The following BNC2 variants were observed in gnomAD, a reference collection of about 807,000 sequenced individuals.
BNC2 encodes the protein basonuclin zinc finger protein 2, also known as zinc finger protein basonuclin-2.
Under a neutral mutation model 76.3 loss-of-function variants are expected in BNC2, and 20 were observed. The ratio of observed to expected loss-of-function variants is 0.26; its 90% CI spans 0.18 to 0.38. BNC2 has a LOEUF of 0.38. BNC2 is among the 10% of genes least tolerant of loss of function. The probability of loss-of-function intolerance (pLI) is 1.00; values close to 1 mark genes in which losing one functional copy is unlikely to be tolerated. For synonymous variants in BNC2, 582 were observed against 514.8 expected, an observed-to-expected ratio of 1.13 and a Z score of -1.77; for missense variants, 1,382 against 1,399.8, an observed-to-expected ratio of 0.99 and a Z score of 0.20.
intron 4 of BNC2, among the ~76,000 whole-genome samples, chr9:16,558,933 C>CAAA (rs574756487): frequency 0.076 from 6,125 of 81,052 alleles, 576 homozygotes; most frequent in African/African-American, 0.25. Flanking sequence ...GACTCCGTCT[C>CAAA]AAAAAAAAAA....
chr9:16,847,603 T>C (rs36084473), intron 1 of BNC2, among the ~76,000 whole-genome samples: 17,806 of 151,992 alleles, frequency 0.12, 1,355 homozygotes, highest in South Asian at 0.28. Flanking sequence ...ATATACAAGG[T>C]AGTATAACTT....
chr9:16,571,418 T>C (rs1345760823), intron 4 of BNC2, among the ~76,000 whole-genome samples: 1 of 152,190 alleles, frequency 6.6e-6, no homozygotes, highest in Non-Finnish European at 1.5e-5. Context: ...AAATCTTTCA[T>C]TAATTTTTCC....
chr9:16,761,495 A>T (rs1029566532), intron 1 of BNC2, among the ~76,000 whole-genome samples: 3 of 152,212 alleles, frequency 2.0e-5, no homozygotes, highest in Non-Finnish European at 4.4e-5. Context: ...CAAAACTATG[A>T]TATAATCTAA....
chr9:16,515,265 C>T (rs1000434053), intron 5 of BNC2, among the ~76,000 whole-genome samples: 58 of 152,200 alleles, frequency 3.8e-4, no homozygotes, highest in African/African-American at 1.3e-3. Flanking sequence ...GCTTCAAAGC[C>T]GACTGGGCTG....
chr9:16,552,620 G>C lies in BNC2; in HGVS notation c.579C>G (p.Leu193=), dbSNP rs1004790518. ...PVRLKILLDR[L]FSVLKQEEVL... is the part of the protein sequence containing the mutation. ...CCTCCTCTTGCTTCAGGACGCTGAA[G>C]AGACGGTCCAGCAGGATCTTTAGCC... The change falls in exon 5 of 7, where the codon CTC becomes CTG. Residue 193 remains leucine, a synonymous_variant. Coordinates refer to ENST00000380672, the MANE Select transcript of BNC2 (RefSeq NM_017637.6). The C allele has an allele frequency of 1.2e-6, 2 of 1,614,126 alleles. No homozygotes were observed. Among genetic ancestry groups the C allele is most frequent in the African/African-American group, 1.3e-5 (1 of 74,948 alleles).
At position 16,516,999 on chromosome 9, in the gene BNC2, T is replaced by A. The variant is rs140237577; in HGVS notation, c.669+35531A>T. ...TCACTCTGTAAACGGCATCCAGGAA[T>A]GCAGCACCAACACTTGCAGTAACAA... is the stretch of plus-strand genomic sequence containing the variant. On this transcript the variant is annotated intron_variant, in intron 5 of 6. Coordinates refer to ENST00000380672, the MANE Select transcript of BNC2 (RefSeq NM_017637.6). Among the ~76,000 whole-genome samples the A allele has an allele frequency of 2.9e-4, 44 of 152,322 alleles. 1 individual carries two copies. The highest frequency in any genetic ancestry group is 9.4e-4 in the African/African-American group (39 of 41,576).
intron 3 of BNC2, among the ~76,000 whole-genome samples, chr9:16,711,691 A>G (rs1463759203): frequency 6.6e-6 from 1 of 152,206 alleles, no homozygotes; most frequent in Non-Finnish European, 1.5e-5. Context: ...AAATTACTTG[A>G]TCACTGATTT....
intron 1 of BNC2, among the ~76,000 whole-genome samples, chr9:16,780,170 A>G (rs1826094076): frequency 7.5e-6 from 1 of 132,518 alleles, no homozygotes; most frequent in Non-Finnish European, 1.6e-5. Flanking sequence ...TGGGAGGCGG[A>G]GCTTGCAGTG....
At chr9:16,495,172 G>C (rs1822361193) in intron 5 of BNC2, among the ~76,000 whole-genome samples, 1 of 152,102 alleles carries the variant, frequency 6.6e-6, no homozygotes, top group African/African-American at 2.4e-5. Context: ...TAAATCATCA[G>C]CCTCTATCTA....
At chr9:16,606,252 T>C (rs1436773208) in intron 3 of BNC2, among the ~76,000 whole-genome samples, 1 of 152,036 alleles carries the variant, frequency 6.6e-6, no homozygotes, top group Non-Finnish European at 1.5e-5. Flanking sequence ...AAAATATTTT[T>C]TAAAGGATTA....
chr9:16,671,376 A>C (rs1822472862), intron 3 of BNC2, among the ~76,000 whole-genome samples: 1 of 152,202 alleles, frequency 6.6e-6, no homozygotes, highest in Non-Finnish European at 1.5e-5. Context: ...TGGTAAAAAG[A>C]AAAGAGCTAG....
chr9:16,425,962 G>A (rs773220441), intron 6 of BNC2, among the ~76,000 whole-genome samples: 2 of 152,212 alleles, frequency 1.3e-5, no homozygotes, highest in South Asian at 2.1e-4. Context: ...CTGAGACATC[G>A]AGGCTTCTCA....
chr9:16,600,418 G>C (rs1202332558), intron 3 of BNC2, among the ~76,000 whole-genome samples: 1 of 152,114 alleles, frequency 6.6e-6, no homozygotes, highest in African/African-American at 2.4e-5. Flanking sequence ...CTGCCAGATG[G>C]TATGTCTCCT....
chr9:16,646,947 C>A (rs889809212), intron 3 of BNC2, among the ~76,000 whole-genome samples: 1 of 152,090 alleles, frequency 6.6e-6, no homozygotes. Flanking sequence ...ACAGACAGAT[C>A]TGTTTCATTT....
intron 3 of BNC2, among the ~76,000 whole-genome samples, chr9:16,599,707 C>T (rs986564019): frequency 6.6e-6 from 1 of 152,148 alleles, no homozygotes; most frequent in Non-Finnish European, 1.5e-5. Context: ...TCACTTGAAC[C>T]CGGAGGCAGA....
intron 1 of BNC2, among the ~76,000 whole-genome samples, chr9:16,791,897 G>A (rs756175346): frequency 3.9e-5 from 6 of 152,100 alleles, no homozygotes; most frequent in Admixed American, 6.6e-5. Flanking sequence ...AAGCCCAGAA[G>A]TTAGAGACCA....
chr9:16,843,758 G>A (rs1471387102), intron 1 of BNC2, among the ~76,000 whole-genome samples: 1 of 152,214 alleles, frequency 6.6e-6, no homozygotes, highest in Non-Finnish European at 1.5e-5. Flanking sequence ...GGAAGGAGAA[G>A]AGGTTTAGGT....
chr9:16,814,700 C>A (rs903083290), intron 1 of BNC2, among the ~76,000 whole-genome samples: 3 of 152,130 alleles, frequency 2.0e-5, no homozygotes, highest in African/African-American at 7.2e-5. Context: ...AAAAATGGCT[C>A]AAGGATTACT....
At chr9:16,429,960 T>A (rs770409912) in intron 6 of BNC2, 2 of 516,244 alleles carry the variant, frequency 3.9e-6, no homozygotes, top group South Asian at 2.8e-5. Context: ...CTCCCCATGA[T>A]ACAAGGAGAC....
Sources: allele counts gnomAD v4.1 joint callset (sites outside exome capture counted in the v4.1 genomes callset), GRCh38; gene constraint gnomAD v4.1.1; transcripts MANE v1.5; gene names NCBI Gene and HGNC (gene_info 2026-07-23, HGNC 2026-07-21).